Variants in ADAMTS19 observed in about 807,000 individuals in gnomAD.
The protein encoded by ADAMTS19 is A disintegrin and metalloproteinase with thrombospondin motifs 19.
A neutral mutation model predicts 153.3 loss-of-function variants in ADAMTS19; 93 were observed. That is an observed-to-expected ratio of 0.61 (90% CI 0.51 to 0.72). ADAMTS19 has a LOEUF of 0.72. Ranked by LOEUF, ADAMTS19 falls within the 30% of genes least tolerant of loss-of-function variation. The probability of loss-of-function intolerance (pLI) is 0.00; values close to 1 mark genes in which losing one functional copy is unlikely to be tolerated. For missense variants in ADAMTS19, 1,482 were observed against 1,552.1 expected, an observed-to-expected ratio of 0.95 and a Z score of 0.76; for synonymous variants, 600 against 556.6, an observed-to-expected ratio of 1.08 and a Z score of -1.10.
chr5:129,702,543 C>A (rs776894606), intron 20 of ADAMTS19, among the ~76,000 whole-genome samples: 1 of 151,956 alleles, frequency 6.6e-6, no homozygotes, highest in African/African-American at 2.4e-5. Flanking sequence ...TTAACCCAAC[C>A]CCCTCCAAAA....
In ADAMTS19 at chr5:129,658,599, G is replaced by A. The variant is rs1581196466; in HGVS notation, c.2305-18G>A. The A allele has an allele frequency of 6.2e-7, 1 of 1,610,046 alleles. No homozygotes were observed. Among genetic ancestry groups the A allele is most frequent in the East Asian group, 2.2e-5 (1 of 44,742 alleles). On this transcript the variant is annotated intron_variant, in intron 14 of 22. Transcript: ENST00000274487. ...AGAATACTGCTATTTATGATGTGCTGTCACTCTCTTGTTACAGAAAGTTGG... is the reference window on the plus strand; with the variant it reads ...AGAATACTGCTATTTATGATGTGCTATCACTCTCTTGTTACAGAAAGTTGG...
chr5:129,682,841 G>A (rs185325252), intron 17 of ADAMTS19, among the ~76,000 whole-genome samples: 8 of 151,998 alleles, frequency 5.3e-5, no homozygotes, highest in East Asian at 3.9e-4. Flanking sequence ...CTCCCAATCC[G>A]CACATCAAAA....
intron 2 of ADAMTS19, among the ~76,000 whole-genome samples, chr5:129,488,149 A>C (rs4836459): frequency 0.8 from 121,057 of 151,924 alleles, 48,869 homozygotes; most frequent in African/African-American, 0.94. Flanking sequence ...AATTGAAAAT[A>C]TTAATTATTC....
At chr5:129,556,151 G>A (rs958324328) in intron 7 of ADAMTS19, among the ~76,000 whole-genome samples, 1 of 152,104 alleles carries the variant, frequency 6.6e-6, no homozygotes, top group Non-Finnish European at 1.5e-5. Flanking sequence ...ATATAGTTAT[G>A]TAGATGGTTT....
Position 129,461,517 on chromosome 5 carries a change from C to A in ADAMTS19, c.507C>A (p.Asp169Glu), listed in dbSNP as rs777419049. ...CCCAGCATGCCGAGCCGGATGGCGACGAAGTGTTGCTGCGGATCCCGGCCT... is the reference window on the plus strand; with the variant it reads ...CCCAGCATGCCGAGCCGGATGGCGAAGAAGTGTTGCTGCGGATCCCGGCCT... ...PPAQHAEPDG[D>E]EVLLRIPAFS... The change falls in exon 2 of 23, where the codon GAC (aspartate) becomes GAA (glutamate). Residue 169 changes from aspartate to glutamate, a missense_variant. Physicochemically the swap from Asp to Glu is conservative, Grantham distance 45. Around this residue, in one of 2 missense-constraint regions of ADAMTS19, gnomAD observed 866 missense variants for 827.7 expected, o/e 1.05. Coordinates refer to ENST00000274487, the MANE Select transcript of ADAMTS19 (RefSeq NM_133638.6). The surrounding 1 kb of genome is among the most constrained non-coding windows in gnomAD (Gnocchi z 4.6). The A allele has an allele frequency of 9.2e-6, 14 of 1,518,282 alleles. No homozygotes were observed. Among genetic ancestry groups the A allele is most frequent in the South Asian group, 1.2e-5 (1 of 82,274 alleles). The allele number at this position is 1,518,282 out of a possible 1,614,324, so 94.1% of individuals were successfully genotyped here.
At chr5:129,477,684 A>G (rs757513510) in intron 2 of ADAMTS19, among the ~76,000 whole-genome samples, 3 of 152,222 alleles carry the variant, frequency 2.0e-5, no homozygotes, top group Non-Finnish European at 4.4e-5. Flanking sequence ...GTGTTCTAAT[A>G]ACTTGGCTGC....
chr5:129,527,748 G>C lies in ADAMTS19; in HGVS notation c.1087G>C (p.Val363Leu). 3 of 1,533,884 alleles carry C rather than the reference G, an allele frequency of 2.0e-6. No homozygotes were observed. The highest frequency in any genetic ancestry group is 2.7e-6 in the Non-Finnish European group (3 of 1,118,676). Residue 363 changes from valine (V) to leucine (L), a missense_variant and splice_region_variant, in exon 5 of 23, where the codon GTA (valine) becomes CTA (leucine). Coordinates refer to ENST00000274487, the MANE Select transcript of ADAMTS19 (RefSeq NM_133638.6). ...RRFILTILNMVFNLFQHKSLS... is the reference protein window; with the variant it reads ...RRFILTILNMLFNLFQHKSLS... Reference sequence around the variant, plus strand: ...GATTTTTATTTTTATTTGTTTTTAGGTATTTAACCTTTTCCAACACAAGAG... The same window carrying C: ...GATTTTTATTTTTATTTGTTTTTAGCTATTTAACCTTTTCCAACACAAGAG...
intron 4 of ADAMTS19, among the ~76,000 whole-genome samples, chr5:129,526,796 G>A (rs1486171527): frequency 2.0e-5 from 3 of 151,226 alleles, no homozygotes; most frequent in African/African-American, 7.3e-5. Context: ...ATGTATGCAT[G>A]TATTTATTTA....
intron 10 of ADAMTS19, among the ~76,000 whole-genome samples, chr5:129,627,630 T>A (rs1214771885): frequency 1.3e-5 from 2 of 151,692 alleles, no homozygotes; most frequent in African/African-American, 4.8e-5. Context: ...CATTAAAAAG[T>A]GGGCAAAGAA....
chr5:129,621,344 T>C (rs1751767388), intron 9 of ADAMTS19, among the ~76,000 whole-genome samples: 2 of 152,172 alleles, frequency 1.3e-5, no homozygotes, highest in Non-Finnish European at 1.5e-5. Flanking sequence ...TATAGAAGGA[T>C]CACCTGAAGC....
chr5:129,608,090 A>ATGTG (rs747075161), intron 8 of ADAMTS19, among the ~76,000 whole-genome samples: 10,445 of 104,008 alleles, frequency 0.1, 798 homozygotes, highest in East Asian at 0.27. Flanking sequence ...TTTTATATAT[A>ATGTG]TGTGTGTGTG....
chr5:129,516,296 G>A (rs1751605376), intron 3 of ADAMTS19, among the ~76,000 whole-genome samples: 1 of 148,048 alleles, frequency 6.8e-6, no homozygotes, highest in Admixed American at 6.8e-5. Context: ...TTTGTATCAG[G>A]GTAATACTGG....
chr5:129,610,263 G>A (rs2126951871), intron 8 of ADAMTS19, among the ~76,000 whole-genome samples: 1 of 152,110 alleles, frequency 6.6e-6, no homozygotes. Flanking sequence ...TGTAAACGCA[G>A]ATTAGAATGG....
intron 7 of ADAMTS19, among the ~76,000 whole-genome samples, chr5:129,578,481 G>T (rs1416631666): frequency 6.6e-6 from 1 of 151,336 alleles, no homozygotes; most frequent in Non-Finnish European, 1.5e-5. Context: ...TTAAGTTCTG[G>T]GGTACATGTG....
chr5:129,461,379 C>A lies in ADAMTS19; in HGVS notation c.369C>A (p.Leu123=). ...CGGAGGGTGAGGAGGACGAGGAGCT[C>A]GAGTCGCAGGAGCTGCCGCGGGGAT... is the stretch of plus-strand genomic sequence containing the variant. ...PPSEGEEDEE[L]ESQELPRGSS... Residue 123 remains leucine (L), a synonymous_variant, in exon 2 of 23, where the codon CTC becomes CTA. Transcript: ENST00000274487. The surrounding 1 kb of genome is among the most constrained non-coding windows in gnomAD (Gnocchi z 4.6). 2 of 1,348,892 alleles carry A rather than the reference C, an allele frequency of 1.5e-6. No homozygotes were observed. The highest frequency in any genetic ancestry group is 2.0e-5 in the South Asian group (1 of 50,128). The allele number at this position is 1,348,892 out of a possible 1,614,324, so 83.6% of individuals were successfully genotyped here.
intron 20 of ADAMTS19, among the ~76,000 whole-genome samples, chr5:129,703,388 CA>C (rs2127165449): frequency 6.6e-6 from 1 of 151,930 alleles, no homozygotes; most frequent in East Asian, 1.9e-4. Context: ...ATTTTAATTC[CA>C]AAAATTATTT....
At chr5:129,553,363 T>A (rs560214403) in intron 7 of ADAMTS19, among the ~76,000 whole-genome samples, 1 of 152,280 alleles carries the variant, frequency 6.6e-6, no homozygotes, top group African/African-American at 2.4e-5. Context: ...TCTTGCTAAA[T>A]CTGCTAATTC....
At chr5:129,577,779 T>C (rs1749223893) in intron 7 of ADAMTS19, among the ~76,000 whole-genome samples, 2 of 152,068 alleles carry the variant, frequency 1.3e-5, no homozygotes, top group South Asian at 4.1e-4. Flanking sequence ...TATTTACATA[T>C]ATTTGTTATA....
chr5:129,668,180 T>G (rs1754137527), intron 16 of ADAMTS19, among the ~76,000 whole-genome samples: 1 of 152,138 alleles, frequency 6.6e-6, no homozygotes, highest in African/African-American at 2.4e-5. Flanking sequence ...TCTCTTTGCC[T>G]TCTCCTTTCC....
Sources: gnomAD v4.1 joint callset for allele counts (sites outside exome capture counted in the v4.1 genomes callset) on GRCh38, gnomAD v4.1.1 for gene constraint, gnomAD v4.1.1 regional missense constraint, Gnocchi (gnomAD v3.1) non-coding constraint, MANE v1.5 for transcripts, NCBI Gene and HGNC (gene_info 2026-07-23, HGNC 2026-07-21) for gene names.